ABHD2: variants seen among roughly 807,000 people sequenced by gnomAD.
ABHD2 encodes monoacylglycerol lipase ABHD2.
ABHD2 carries 20 observed loss-of-function variants against 48.1 expected under a neutral mutation model. The ratio of observed to expected loss-of-function variants is 0.42; its 90% confidence interval spans 0.29 to 0.60. ABHD2 has a LOEUF of 0.60. Ranked by LOEUF, ABHD2 falls within the 20% of genes least tolerant of loss-of-function variation. The pLI is 0.24. For missense variants in ABHD2, 405 were observed against 550.9 expected, an observed-to-expected ratio of 0.74 and a Z score of 2.65; for synonymous variants, 209 against 214.2, an observed-to-expected ratio of 0.98 and a Z score of 0.21.
At chr15:89,135,746 T>C in intron 3 of ABHD2, 1 of 1,063,122 alleles carries the variant, frequency 9.4e-7, no homozygotes. Flanking sequence ...TTTATAAGGC[T>C]GCCTGTCATC....
chr15:89,137,373 G>A lies in ABHD2; in HGVS notation c.195-14304G>A, dbSNP rs1348988625. Among the ~76,000 whole-genome samples, 1 of 152,170 alleles carries A rather than the reference G, an allele frequency of 6.6e-6. No individual in the cohort carries two copies. Among genetic ancestry groups the A allele is most frequent in the Non-Finnish European group, 1.5e-5 (1 of 68,018 alleles). ...CTGGTTTTCTTTGAACTTTAGAAAA[G>A]CACATTTATTTTTCCTTGGAGCAAA... On this transcript the variant is annotated intron_variant, in intron 3 of 10. Coordinates refer to ENST00000352732, the MANE Select transcript of ABHD2 (RefSeq NM_152924.5). The surrounding 1 kb of genome is among the most constrained non-coding windows in gnomAD (Gnocchi z 4.8).
At chr15:89,148,199 A>G (rs1404635455) in intron 3 of ABHD2, among the ~76,000 whole-genome samples, 2 of 151,950 alleles carry the variant, frequency 1.3e-5, no homozygotes, top group Admixed American at 6.6e-5. Context: ...GTAACATATG[A>G]TAGATAATGG....
chr15:89,109,188 GAC>G (rs1422278915), intron 1 of ABHD2, among the ~76,000 whole-genome samples: 1 of 152,224 alleles, frequency 6.6e-6, no homozygotes, highest in African/African-American at 2.4e-5. Context: ...AGGCATGGGA[GAC>G]ACAGCTCAGG....
Position 89,179,376 on chromosome 15 carries a change from G to A in ABHD2, c.722+3381G>A, listed in dbSNP as rs913612110. On this transcript the variant is annotated intron_variant, in intron 6 of 10. Transcript: ENST00000352732. This position sits in a 1 kb window ranked among gnomAD's most constrained non-coding sequence, Gnocchi z 4.3. Reference sequence around the variant, plus strand: ...TTGATCACATTACTGCCTGAGTTCCGCCTCCTGTCAGATCAGCAGTGACAT... The same window carrying A: ...TTGATCACATTACTGCCTGAGTTCCACCTCCTGTCAGATCAGCAGTGACAT... Among the ~76,000 whole-genome samples the A allele has an allele frequency of 2.0e-5, 3 of 152,170 alleles. No individual in the cohort carries two copies. The highest frequency in any genetic ancestry group is 2.1e-4 in the South Asian group (1 of 4,828).
chr15:89,061,018 T>C, the ABHD2 span, among the ~76,000 whole-genome samples: 1 of 152,076 alleles, frequency 6.6e-6, no homozygotes, highest in African/African-American at 2.4e-5. Context: ...TTCTCAGTTA[T>C]AAGTAGAGCT....
the ABHD2 span, among the ~76,000 whole-genome samples, chr15:89,066,116 T>G: frequency 7.2e-5 from 11 of 152,200 alleles, no homozygotes; most frequent in African/African-American, 2.4e-4. Flanking sequence ...AAGAGAAAGC[T>G]ATGCAATATT....
chr15:89,136,243 G>C (rs2050310356), intron 3 of ABHD2: 1 of 340,134 alleles, frequency 2.9e-6, no homozygotes, highest in Admixed American at 3.6e-5. Context: ...CGTCTTTTTT[G>C]TCTCCCCTTT....
intron 1 of ABHD2, among the ~76,000 whole-genome samples, chr15:89,107,124 C>T (rs1297756846): frequency 6.6e-6 from 1 of 152,070 alleles, no homozygotes. Flanking sequence ...TTTCCATGGG[C>T]AGGAGAAGCC....
At position 89,164,458 on chromosome 15, in the gene ABHD2, G is replaced by C. The variant is rs1308130999; in HGVS notation, c.538+8924G>C. The stretch of plus-strand genomic sequence containing the variant: ...TAGTCCAACAGCTGAAGGTTTGACT[G>C]CCTGGTCGAGAAAGCTGAGAAAGAC... On this transcript the variant is annotated intron_variant, in intron 5 of 10. Coordinates refer to ENST00000352732, the MANE Select transcript of ABHD2 (RefSeq NM_152924.5). The surrounding 1 kb of genome is among the most constrained non-coding windows in gnomAD (Gnocchi z 5.0). Among the ~76,000 whole-genome samples the C allele has an allele frequency of 1.4e-5, 2 of 139,082 alleles. No individual in the cohort carries two copies. The highest frequency in any genetic ancestry group is 5.3e-5 in the African/African-American group (2 of 37,844). 91.2% of individuals were successfully genotyped at this position (139,082 alleles called of 152,430 possible).
rs1046100351 is a variant in ABHD2 at position 89,186,664 on chromosome 15, C to T, written c.815+1148C>T. ...CTACGTCTAGAACCAAACTGGAGAG[C>T]GTTGGAGGGCTTAGGCATGTGTTGA... On this transcript the variant is annotated intron_variant, in intron 7 of 10. Coordinates refer to ENST00000352732, the MANE Select transcript of ABHD2 (RefSeq NM_152924.5). This position sits in a 1 kb window ranked among gnomAD's most constrained non-coding sequence, Gnocchi z 4.3. 6.6e-6 allele frequency among the ~76,000 whole-genome samples: 1 copy of T among 152,146 alleles called. No individual in the cohort carries two copies. The highest frequency in any genetic ancestry group is 2.1e-4 in the South Asian group (1 of 4,826).
Position 89,185,935 on chromosome 15 carries a change from C to G in ABHD2, c.815+419C>G, listed in dbSNP as rs1208618900. Among the ~76,000 whole-genome samples the G allele has an allele frequency of 6.6e-6, 1 of 152,146 alleles. No homozygotes were observed. Among genetic ancestry groups the G allele is most frequent in the Non-Finnish European group, 1.5e-5 (1 of 68,034 alleles). On this transcript the variant is annotated intron_variant, in intron 7 of 10. Coordinates refer to ENST00000352732, the MANE Select transcript of ABHD2 (RefSeq NM_152924.5). This position sits in a 1 kb window ranked among gnomAD's most constrained non-coding sequence, Gnocchi z 5.9. Reference sequence around the variant, plus strand: ...CGAGCCAAGATTGCGCCAATGCACCCCAGCCTGGGTGACAGAGCGAGACCC... The same window carrying G: ...CGAGCCAAGATTGCGCCAATGCACCGCAGCCTGGGTGACAGAGCGAGACCC...
chr15:89,046,058 T>C, the ABHD2 span, among the ~76,000 whole-genome samples: 5 of 152,338 alleles, frequency 3.3e-5, no homozygotes, highest in Non-Finnish European at 7.3e-5. Context: ...CTTATTATTT[T>C]GAAATACGTC....
In ABHD2 at chr15:89,175,367, A is replaced by G. The variant is rs740429; in HGVS notation, c.539-445A>G. ...AGCCTCCTAAGTAGCGGGGACTACA[A>G]GGACACACCTGTAGTGTGTAGAGGT... On this transcript the variant is annotated intron_variant, in intron 5 of 10. Transcript: ENST00000352732. The surrounding 1 kb of genome is among the most constrained non-coding windows in gnomAD (Gnocchi z 5.7). 0.22 allele frequency among the ~76,000 whole-genome samples: 33,055 copies of G among 152,048 alleles called. 5,150 individuals are homozygous for G. Among genetic ancestry groups the G allele is most frequent in the African/African-American group, 0.44 (18,229 of 41,456 alleles).
At position 89,156,000 on chromosome 15, in the gene ABHD2, C is replaced by A. The variant is rs1351786202; in HGVS notation, c.538+466C>A. On this transcript the variant is annotated intron_variant, in intron 5 of 10. Coordinates refer to ENST00000352732, the MANE Select transcript of ABHD2 (RefSeq NM_152924.5). This position sits in a 1 kb window ranked among gnomAD's most constrained non-coding sequence, Gnocchi z 4.9. Reference sequence around the variant, plus strand: ...ATTTTAGGTTCCTGGGGAACAGGAACTAGATCTCGTCTTTCGACGAATGCT... The same window carrying A: ...ATTTTAGGTTCCTGGGGAACAGGAAATAGATCTCGTCTTTCGACGAATGCT... Among the ~76,000 whole-genome samples, 1 of 152,034 alleles carries A rather than the reference C, an allele frequency of 6.6e-6. No individual in the cohort carries two copies. Among genetic ancestry groups the A allele is most frequent in the Non-Finnish European group, 1.5e-5 (1 of 68,018 alleles).
chr15:89,078,780 G>C, the ABHD2 span, among the ~76,000 whole-genome samples: 3 of 150,338 alleles, frequency 2.0e-5, no homozygotes, highest in South Asian at 6.3e-4. Context: ...ATCCAGGCTG[G>C]AGTGCAGTGG....
At chr15:89,064,206 A>ATAACATTG in the ABHD2 span, among the ~76,000 whole-genome samples, 6 of 143,130 alleles carry the variant, frequency 4.2e-5, no homozygotes, top group Non-Finnish European at 9.0e-5. Flanking sequence ...GTATTTATAT[A>ATAACATTG]TAACATTGTG....
At chr15:89,086,477 C>T (rs995416572), upstream of ABHD2, among the ~76,000 whole-genome samples, 18 of 152,030 alleles carry the variant, frequency 1.2e-4, no homozygotes, top group South Asian at 4.2e-4. Flanking sequence ...TGCAGTGGTG[C>T]GATCACAGCT....
Position 89,193,600 on chromosome 15 carries a change from A to G in ABHD2, c.1081+281A>G, listed in dbSNP as rs556532302. 6.7e-5 allele frequency: 31 copies of G among 465,580 alleles called. No individual in the cohort carries two copies. The East Asian group carries it at 1.0e-3, about 15-fold the overall frequency. 28.8% of individuals were successfully genotyped at this position (465,580 alleles called of 1,614,324 possible). A position where few individuals can be genotyped will look rare whatever the true frequency, so the allele number is the denominator to read the frequency against. ...GAGTCACTTGAGGTTCTATGAGATT[A>G]TCTCAGGGTTAGGGTTCCCCTAAGT... On this transcript the variant is annotated intron_variant, in intron 10 of 10. Coordinates refer to ENST00000352732, the MANE Select transcript of ABHD2 (RefSeq NM_152924.5).
In ABHD2 at chr15:89,189,949, G is replaced by C. The variant is rs2051276251; in HGVS notation, c.927-1131G>C. ...GTGGCTTCCTCAGAGATCCATCCCA[G>C]TAATACTGGAGGGATGGAACAATGC... On this transcript the variant is annotated intron_variant, in intron 8 of 10. Transcript: ENST00000352732. The surrounding 1 kb of genome is among the most constrained non-coding windows in gnomAD (Gnocchi z 4.9). Among the ~76,000 whole-genome samples, 1 of 152,052 alleles carries C rather than the reference G, an allele frequency of 6.6e-6. No individual in the cohort carries two copies. Among genetic ancestry groups the C allele is most frequent in the South Asian group, 2.1e-4 (1 of 4,810 alleles).
Sources: gnomAD v4.1 joint callset for allele counts (sites outside exome capture counted in the v4.1 genomes callset) on GRCh38, gnomAD v4.1.1 for gene constraint, Gnocchi (gnomAD v3.1) non-coding constraint, MANE v1.5 for transcripts, NCBI Gene and HGNC (gene_info 2026-07-23, HGNC 2026-07-21) for gene names.